CELSR3: variants seen among roughly 807,000 people sequenced by gnomAD.
CELSR3 encodes the protein cadherin EGF LAG seven-pass G-type receptor 3.
Under a neutral mutation model 270.0 loss-of-function variants are expected in CELSR3, and 73 were observed. That is an observed-to-expected ratio of 0.27 (90% confidence interval 0.22 to 0.33). The LOEUF (loss-of-function observed/expected upper bound fraction) is 0.33, where lower values mean the gene tolerates loss of function less well. CELSR3 is among the 10% of genes least tolerant of loss of function. CELSR3 has a pLI of 1.00. For synonymous variants in CELSR3, 1,780 were observed against 1,905.4 expected (o/e 0.93, Z 1.71); for missense variants, 3,614 against 4,533.8 (o/e 0.80, Z 5.83).
In CELSR3 at chr3:48,646,615, A is replaced by G. The variant is rs2047086864; in HGVS notation, c.7295+148T>C. ...CTGTCACTCTGCACAACTCCAGAGA[A>G]TAAGATTCACACAGAACCCGGCAAG... On this transcript the variant is annotated intron_variant, in intron 21 of 34. Transcript: ENST00000164024. This position sits in a 1 kb window ranked among gnomAD's most constrained non-coding sequence, Gnocchi z 4.8. 1.2e-6 allele frequency: 1 copy of G among 824,678 alleles called. No homozygotes were observed. Among genetic ancestry groups the G allele is most frequent in the Non-Finnish European group, 1.9e-6 (1 of 536,578 alleles). The allele number at this position is 824,678 out of a possible 1,614,324, so 51.1% of individuals were successfully genotyped here.
In CELSR3 at chr3:48,642,120, A is replaced by G; in HGVS notation, c.8666-111T>C. 1 of 1,091,922 alleles carries G rather than the reference A, an allele frequency of 9.2e-7. No homozygotes were observed. The highest frequency in any genetic ancestry group is 1.3e-6 in the Non-Finnish European group (1 of 777,484). 67.6% of individuals were successfully genotyped at this position (1,091,922 alleles called of 1,614,324 possible). A position where few individuals can be genotyped will look rare whatever the true frequency, so the allele number is the denominator to read the frequency against. ...CGGCAAGGGGGTTAGGGTTGGGGAC[A>G]GGAACCGGGGCTTGAAGTGGAGGTA... is the stretch of plus-strand genomic sequence containing the variant. On this transcript the variant is annotated intron_variant, in intron 31 of 34. Transcript: ENST00000164024. This position sits in a 1 kb window ranked among gnomAD's most constrained non-coding sequence, Gnocchi z 6.1.
chr3:48,662,709 C>A lies in CELSR3; in HGVS notation c.-75G>T. The A allele has an allele frequency of 1.7e-6, 1 of 592,140 alleles. No homozygotes were observed. Among genetic ancestry groups the A allele is most frequent in the Non-Finnish European group, 2.5e-6 (1 of 406,046 alleles). The allele number at this position is 592,140 out of a possible 1,614,324, so 36.7% of individuals were successfully genotyped here. The stretch of plus-strand genomic sequence containing the variant: ...TTGGGCTGGCCCCGCCGCTCGGGCC[C>A]CCTCCCGGGCCCCTGCCGCCGCCCC... On this transcript the variant is annotated 5_prime_UTR_variant, in exon 1 of 35. Coordinates refer to ENST00000164024, the MANE Select transcript of CELSR3 (RefSeq NM_001407.3). This position sits in a 1 kb window ranked among gnomAD's most constrained non-coding sequence, Gnocchi z 7.1.
chr3:48,657,575 G>A lies in CELSR3; in HGVS notation c.3749-227C>T, dbSNP rs980997497. The stretch of plus-strand genomic sequence containing the variant: ...CCCCCAATCCCCAATACACGGAGGG[G>A]TCTGGGCCAAGGATCAAGCAACCCC... On this transcript the variant is annotated intron_variant, in intron 1 of 34. Transcript: ENST00000164024. The surrounding 1 kb of genome is among the most constrained non-coding windows in gnomAD (Gnocchi z 5.4). 6.6e-6 allele frequency among the ~76,000 whole-genome samples: 1 copy of A among 152,128 alleles called. No individual in the cohort carries two copies. The highest frequency in any genetic ancestry group is 1.5e-5 in the Non-Finnish European group (1 of 68,008).
chr3:48,653,182 A>T lies in CELSR3; in HGVS notation c.5454T>A (p.Asp1818Glu). 6.2e-7 allele frequency: 1 copy of T among 1,612,974 alleles called. No individual in the cohort carries two copies. Among genetic ancestry groups the T allele is most frequent in the Non-Finnish European group, 8.5e-7 (1 of 1,179,852 alleles). ...TCACTGTCACAGACAGTAACCCCCG[A>T]TCTAGCTGTGGGCAGAGATGCATAG... is the stretch of plus-strand genomic sequence containing the variant. ...GPHSTLLCQL[D>E]RGLLSVTVTR... The change falls in exon 10 of 35, where the codon GAT becomes GAA. Residue 1818 changes from aspartate (D) to glutamate (E), a missense_variant. Asp to Glu is a conservative substitution (Grantham distance 45, BLOSUM62 2). This residue lies in a region of CELSR3 where 1,331 missense variants were observed against 1,933.7 expected (regional missense o/e 0.69). Coordinates refer to ENST00000164024, the MANE Select transcript of CELSR3 (RefSeq NM_001407.3). This position sits in a 1 kb window ranked among gnomAD's most constrained non-coding sequence, Gnocchi z 6.5.
rs770973133 is a variant in CELSR3, at chr3:48,645,592, A to T, written c.7648T>A (p.Ser2550Thr). ...AVFTHVVVAV[S>T]VAALVLTAAI... ...GCAGTCAGCACCAGCGCAGCCACAG[A>T]CACAGCCACGACCACGTGGGTGAAC... The change falls in exon 24 of 35, where the codon TCT becomes ACT. Residue 2550 changes from serine to threonine, a missense_variant. By Grantham distance (58) the Ser-to-Thr change is moderately conservative. This residue lies in a region of CELSR3 where 1,240 missense variants were observed against 1,351.7 expected (regional missense o/e 0.92). Transcript: ENST00000164024. The surrounding 1 kb of genome is among the most constrained non-coding windows in gnomAD (Gnocchi z 5.4). 2 of 1,612,474 alleles carry T rather than the reference A, an allele frequency of 1.2e-6. No homozygotes were observed. The highest frequency in any genetic ancestry group is 1.7e-6 in the Non-Finnish European group (2 of 1,179,888).
rs777271782 is a variant in CELSR3, at chr3:48,645,450, T to G, written c.7790A>C (p.His2597Pro). The G allele has an allele frequency of 6.2e-7, 1 of 1,612,898 alleles. No individual in the cohort carries two copies. Among genetic ancestry groups the G allele is most frequent in the South Asian group, 1.1e-5 (1 of 91,084 alleles). ...CTGGCCCTGATCCTGCACCTGATTG[T>G]GGGTCCTGTGAATCCCCAGCAGGAA... ...LLFLLGIHRTHNQLVCTAVAI... is the reference protein window; with the variant it reads ...LLFLLGIHRTPNQLVCTAVAI... Residue 2597 changes from histidine (H) to proline (P), a missense_variant, in exon 24 of 35, where the codon CAC becomes CCC. This residue lies in a region of CELSR3 where 1,240 missense variants were observed against 1,351.7 expected (regional missense o/e 0.92). Transcript: ENST00000164024. This position sits in a 1 kb window ranked among gnomAD's most constrained non-coding sequence, Gnocchi z 5.4.
rs756677570 is a variant in CELSR3 at position 48,650,845 on chromosome 3, C to A, written c.6370+47G>T. ...GTGCCACTGACACGTGATGGTGGCACACTGGAACCAGCCCTCTATGGGTGG... is the reference window on the plus strand; with the variant it reads ...GTGCCACTGACACGTGATGGTGGCAAACTGGAACCAGCCCTCTATGGGTGG... On this transcript the variant is annotated intron_variant, in intron 15 of 34. Coordinates refer to ENST00000164024, the MANE Select transcript of CELSR3 (RefSeq NM_001407.3). This position sits in a 1 kb window ranked among gnomAD's most constrained non-coding sequence, Gnocchi z 5.1. 7.6e-6 allele frequency: 12 copies of A among 1,581,408 alleles called. No homozygotes were observed. In the South Asian group the frequency reaches 1.4e-4, roughly 18 times the overall value.
Position 48,644,366 on chromosome 3 carries a change from CAG to C in CELSR3, c.8086-73_8086-72del. 1.4e-6 allele frequency: 2 copies of C among 1,386,532 alleles called. No individual in the cohort carries two copies. Among genetic ancestry groups the C allele is most frequent in the South Asian group, 1.2e-5 (1 of 85,316 alleles). The allele number at this position is 1,386,532 out of a possible 1,614,324, so 85.9% of individuals were successfully genotyped here. A position where few individuals can be genotyped will look rare whatever the true frequency, so the allele number is the denominator to read the frequency against. Reference sequence around the variant, plus strand: ...AGAGAGAGAGAGAGGCAATGAGAGACAGAGAGAGACTAAGATTCACGGAGAGA... The same window carrying C: ...AGAGAGAGAGAGAGGCAATGAGAGACAGAGAGACTAAGATTCACGGAGAGA... On this transcript the variant is annotated intron_variant, in intron 26 of 34. Transcript: ENST00000164024. The surrounding 1 kb of genome is among the most constrained non-coding windows in gnomAD (Gnocchi z 4.8).
chr3:48,656,511 G>T (rs1359917328), intron 2 of CELSR3, 146 bp from the exon 3 acceptor site: 23 of 1,126,428 alleles, frequency 2.0e-5, no homozygotes, highest in Non-Finnish European at 2.6e-5. Flanking sequence ...GTCTGGCCCC[G>T]CCCCCTCCCC....
chr3:48,648,238 G>GGCCCCCCCCACC, intron 19 of CELSR3, 28 bp downstream of exon 19: 11 of 1,342,566 alleles, frequency 8.2e-6, no homozygotes, highest in Non-Finnish European at 1.2e-5. Flanking sequence ...CCCCTGCTGT[G>GGCCCCCCCCACC]CCCCGCCCTA....
chr3:48,639,575 C>T lies in CELSR3; in HGVS notation c.9911+99G>A, dbSNP rs2047002978. The T allele has an allele frequency of 1.3e-6, 2 of 1,507,312 alleles. No individual in the cohort carries two copies. Among genetic ancestry groups the T allele is most frequent in the Admixed American group, 1.8e-5 (1 of 54,518 alleles). 93.4% of individuals were successfully genotyped at this position (1,507,312 alleles called of 1,614,324 possible). On this transcript the variant is annotated intron_variant, in intron 34 of 34. Transcript: ENST00000164024. The surrounding 1 kb of genome is among the most constrained non-coding windows in gnomAD (Gnocchi z 4.1). ...GCCTGGGGTAGCCCACACCTGTCTGCCAGCCCTCATCCCCTTCTGTGGCAG... is the reference window on the plus strand; with the variant it reads ...GCCTGGGGTAGCCCACACCTGTCTGTCAGCCCTCATCCCCTTCTGTGGCAG...
At position 48,660,958 on chromosome 3, in the gene CELSR3, G is replaced by A. The variant is rs1203831132; in HGVS notation, c.1677C>T (p.Arg559=). The change falls in exon 1 of 35, where the codon CGC becomes CGT. Residue 559 remains arginine (R), a synonymous_variant. Coordinates refer to ENST00000164024, the MANE Select transcript of CELSR3 (RefSeq NM_001407.3). This position sits in a 1 kb window ranked among gnomAD's most constrained non-coding sequence, Gnocchi z 5.5. Reference sequence around the variant, plus strand: ...TGACGCGCAGCACGACTGTGTGGGGGCGCACATCCTCGCGCACCTGCGCCA... The same window carrying A: ...TGACGCGCAGCACGACTGTGTGGGGACGCACATCCTCGCGCACCTGCGCCA... ...RYVAQVREDV[R]PHTVVLRVTA... 2.4e-5 allele frequency: 38 copies of A among 1,613,792 alleles called. No individual in the cohort carries two copies. The highest frequency in any genetic ancestry group is 3.1e-5 in the Non-Finnish European group (37 of 1,180,044).
chr3:48,661,677 T>C lies in CELSR3; in HGVS notation c.958A>G (p.Asn320Asp), dbSNP rs1444211193. The part of the protein sequence containing the change: ...ANRARFRRAA[N>D]RHPQFPQYNY... ...TACTGCGGAAACTGCGGGTGGCGGTTTGCGGCGCGACGAAAGCGTGCCCGG... is the reference window on the plus strand; with the variant it reads ...TACTGCGGAAACTGCGGGTGGCGGTCTGCGGCGCGACGAAAGCGTGCCCGG... The change falls in exon 1 of 35, where the codon AAC becomes GAC. Residue 320 changes from asparagine (N) to aspartate (D), a missense_variant. Transcript: ENST00000164024. 2 of 1,583,460 alleles carry C rather than the reference T, an allele frequency of 1.3e-6. No individual in the cohort carries two copies. Among genetic ancestry groups the C allele is most frequent in the East Asian group, 2.3e-5 (1 of 44,372 alleles).
chr3:48,644,086 G>C lies in CELSR3; in HGVS notation c.8165+130C>G. On this transcript the variant is annotated intron_variant, in intron 27 of 34. Coordinates refer to ENST00000164024, the MANE Select transcript of CELSR3 (RefSeq NM_001407.3). The surrounding 1 kb of genome is among the most constrained non-coding windows in gnomAD (Gnocchi z 4.8). ...CAGAGAGGGACCACAGGTCAGGGCA[G>C]GTGTGACTTCATTCCTTCATCTAGA... is the stretch of plus-strand genomic sequence containing the variant. 1.4e-6 allele frequency: 1 copy of C among 721,364 alleles called. No homozygotes were observed. The highest frequency in any genetic ancestry group is 1.8e-5 in the South Asian group (1 of 55,956). 44.7% of individuals were successfully genotyped at this position (721,364 alleles called of 1,614,324 possible).
Position 48,653,473 on chromosome 3 carries a change from A to G in CELSR3, c.5448+146T>C. ...GGATATAATGATGGAAAGAGAATCAAGGGCTAGGGTCCAGAGCAGGGTCAA... is the reference window on the plus strand; with the variant it reads ...GGATATAATGATGGAAAGAGAATCAGGGGCTAGGGTCCAGAGCAGGGTCAA... On this transcript the variant is annotated intron_variant, in intron 9 of 34. Transcript: ENST00000164024. The surrounding 1 kb of genome is among the most constrained non-coding windows in gnomAD (Gnocchi z 6.5). 1.0e-6 allele frequency: 1 copy of G among 960,570 alleles called. No individual in the cohort carries two copies. The highest frequency in any genetic ancestry group is 1.6e-6 in the Non-Finnish European group (1 of 634,900). 59.5% of individuals were successfully genotyped at this position (960,570 alleles called of 1,614,324 possible).
chr3:48,646,097 G>A lies in CELSR3; in HGVS notation c.7456C>T (p.Pro2486Ser). Residue 2486 changes from proline to serine, a missense_variant, in exon 22 of 35, where the codon CCT (proline) becomes TCT (serine). Physicochemically the swap from Pro to Ser is moderately conservative, Grantham distance 74. Transcript: ENST00000164024. This position sits in a 1 kb window ranked among gnomAD's most constrained non-coding sequence, Gnocchi z 4.8. ...SKAICVQWDP[P>S]GLAEQHGVWT... ...CAGAATGGGGGTCCTCACAGGCCAG[G>A]TGGGTCCCACTGCACACAGATCGCC... The A allele has an allele frequency of 6.2e-7, 1 of 1,612,722 alleles. No individual in the cohort carries two copies. The highest frequency in any genetic ancestry group is 1.1e-5 in the South Asian group (1 of 91,074).
intron 19 of CELSR3, 47 bp from the exon 20 acceptor site, chr3:48,648,043 CT>C (rs1254005223): frequency 3.1e-6 from 5 of 1,603,450 alleles, no homozygotes; most frequent in Non-Finnish European, 4.3e-6. Flanking sequence ...CCTCTTCCCC[CT>C]GCCAAGGGTT....
Position 48,654,945 on chromosome 3 carries a change from TG to T in CELSR3, c.4988+98del. On this transcript the variant is annotated intron_variant, in intron 6 of 34. Transcript: ENST00000164024. This position sits in a 1 kb window ranked among gnomAD's most constrained non-coding sequence, Gnocchi z 5.4. ...GAATCTTGGTGGTTTGGGGGAAAGA[TG>T]GGAGAGTTTGGCAGGATGGGATGAG... The T allele has an allele frequency of 1.6e-6, 2 of 1,234,556 alleles. No homozygotes were observed. The highest frequency in any genetic ancestry group is 2.4e-6 in the Non-Finnish European group (2 of 848,928). 76.5% of individuals were successfully genotyped at this position (1,234,556 alleles called of 1,614,324 possible).
In CELSR3 at chr3:48,644,078, T is replaced by A. The variant is rs2047055464; in HGVS notation, c.8165+138A>T. The A allele has an allele frequency of 5.9e-6, 4 of 679,706 alleles. No individual in the cohort carries two copies. Among genetic ancestry groups the A allele is most frequent in the Middle Eastern group, 2.5e-4 (1 of 4,008 alleles). 42.1% of individuals were successfully genotyped at this position (679,706 alleles called of 1,614,324 possible). On this transcript the variant is annotated intron_variant, in intron 27 of 34. Transcript: ENST00000164024. The surrounding 1 kb of genome is among the most constrained non-coding windows in gnomAD (Gnocchi z 4.8). ...GAGGGCGCCAGAGAGGGACCACAGG[T>A]CAGGGCAGGTGTGACTTCATTCCTT...
Sources: allele counts gnomAD v4.1 joint callset (sites outside exome capture counted in the v4.1 genomes callset), GRCh38; gene constraint gnomAD v4.1.1; regional missense constraint gnomAD v4.1.1; non-coding constraint Gnocchi (gnomAD v3.1); transcripts MANE v1.5; gene names NCBI Gene and HGNC (gene_info 2026-07-23, HGNC 2026-07-21).